ZC3H4: variants seen among roughly 807,000 people sequenced by gnomAD.
The protein encoded by ZC3H4 is zinc finger CCCH-type containing 4.
ZC3H4 carries 13 observed loss-of-function variants against 108.3 expected under a neutral mutation model. That is an observed-to-expected ratio of 0.12 (90% CI 0.08 to 0.19). ZC3H4 has a LOEUF of 0.19. Ranked by LOEUF, ZC3H4 falls within the 10% of genes least tolerant of loss-of-function variation. The pLI is 1.00. For missense variants in ZC3H4, 1,734 were observed against 1,838.8 expected, an observed-to-expected ratio of 0.94 and a Z score of 1.04; for synonymous variants, 917 against 749.6, an observed-to-expected ratio of 1.22 and a Z score of -3.65.
Position 47,093,995 on chromosome 19 carries a change from C to T in ZC3H4, c.467G>A (p.Arg156Lys), listed in dbSNP as rs780577981. ...CGGCGCATATGGGGGGCTGTACTCT[C>T]TGTACTTGCGGTGACCTTTCTCACT... ...SPSEKGHRKY[R>K]EYSPPYAPSH... Residue 156 changes from arginine to lysine, a missense_variant, in exon 4 of 15, where the codon AGA becomes AAA. Around this residue, in one of 9 missense-constraint regions of ZC3H4, gnomAD observed 403 missense variants for 457.0 expected, o/e 0.88. Transcript: ENST00000253048. 10 of 1,614,068 alleles carry T rather than the reference C, an allele frequency of 6.2e-6. No individual in the cohort carries two copies. The highest frequency in any genetic ancestry group is 4.5e-5 in the East Asian group (2 of 44,896).
At chr19:47,097,335 A>G (rs2057838903) in intron 2 of ZC3H4, among the ~76,000 whole-genome samples, 1 of 152,184 alleles carries the variant, frequency 6.6e-6, no homozygotes, top group Non-Finnish European at 1.5e-5. Flanking sequence ...TAAACTGCTG[A>G]CGGTTGATAA....
chr19:47,095,425 C>A (rs1002661092), intron 2 of ZC3H4, among the ~76,000 whole-genome samples: 1 of 152,170 alleles, frequency 6.6e-6, no homozygotes, highest in Non-Finnish European at 1.5e-5. Flanking sequence ...GGAGGGGGGA[C>A]GGATCCCAGG....
rs948472476 is a variant in ZC3H4 at position 47,100,543 on chromosome 19, C to T, written c.162-5935G>A. 2.6e-5 allele frequency among the ~76,000 whole-genome samples: 4 copies of T among 151,698 alleles called. No individual in the cohort carries two copies. The South Asian group carries it at 8.3e-4, about 32-fold the overall frequency. Reference sequence around the variant, plus strand: ...CCTACACCCTCACTTCAACATAAGACAGTCTACCCACTGCTGGCATCTAGA... The same window carrying T: ...CCTACACCCTCACTTCAACATAAGATAGTCTACCCACTGCTGGCATCTAGA... On this transcript the variant is annotated intron_variant, in intron 2 of 14. Coordinates refer to ENST00000253048, the MANE Select transcript of ZC3H4 (RefSeq NM_015168.2).
intron 2 of ZC3H4, among the ~76,000 whole-genome samples, chr19:47,111,654 G>T (rs941381304): frequency 5.9e-5 from 9 of 152,068 alleles, no homozygotes; most frequent in Non-Finnish European, 1.0e-4. Flanking sequence ...AAAAAAATAG[G>T]CTGGGGTTTT....
chr19:47,089,197 T>G (rs1600071518), intron 5 of ZC3H4, among the ~76,000 whole-genome samples: 1 of 93,088 alleles, frequency 1.1e-5, no homozygotes, highest in South Asian at 3.9e-4. Flanking sequence ...AGAGCAAGAC[T>G]CCGTCTCAAA....
intron 2 of ZC3H4, among the ~76,000 whole-genome samples, chr19:47,110,553 T>C (rs1341472908): frequency 1.3e-5 from 2 of 152,054 alleles, no homozygotes; most frequent in Non-Finnish European, 2.9e-5. Flanking sequence ...AAGCATCACT[T>C]TGGTCTAAAG....
intron 14 of ZC3H4, among the ~76,000 whole-genome samples, chr19:47,068,388 C>T (rs941749571): frequency 6.6e-6 from 1 of 152,194 alleles, no homozygotes; most frequent in Non-Finnish European, 1.5e-5. Context: ...GACACTTGAC[C>T]CCAAACCGGC....
At chr19:47,068,946 A>C in intron 14 of ZC3H4, 146 bp downstream of exon 14, 10 of 1,500,210 alleles carry the variant, frequency 6.7e-6, no homozygotes, top group Non-Finnish European at 8.0e-6. Context: ...CAGCAGCCCC[A>C]GCCCGGCTTC....
At chr19:47,097,724 A>G (rs906842743) in intron 2 of ZC3H4, among the ~76,000 whole-genome samples, 3 of 152,184 alleles carry the variant, frequency 2.0e-5, no homozygotes, top group African/African-American at 4.8e-5. Flanking sequence ...GAACATGCTT[A>G]ATAGACCTCG....
Position 47,111,010 on chromosome 19 carries a change from G to A in ZC3H4, c.161+1414C>T, listed in dbSNP as rs952783819. On this transcript the variant is annotated intron_variant, in intron 2 of 14. Coordinates refer to ENST00000253048, the MANE Select transcript of ZC3H4 (RefSeq NM_015168.2). Reference sequence around the variant, plus strand: ...TGGGAGTGGGGAGAAGGGGTCGTACGTACAGCCTGGCAAGGGAAGCCCTGG... The same window carrying A: ...TGGGAGTGGGGAGAAGGGGTCGTACATACAGCCTGGCAAGGGAAGCCCTGG... 37 of 768,866 alleles carry A rather than the reference G, an allele frequency of 4.8e-5. No individual in the cohort carries two copies. In the African/African-American group the frequency reaches 6.4e-4, roughly 13 times the overall value. The allele number at this position is 768,866 out of a possible 1,614,324, so 47.6% of individuals were successfully genotyped here.
chr19:47,092,809 T>C (rs2057757337), intron 4 of ZC3H4, among the ~76,000 whole-genome samples: 1 of 140,870 alleles, frequency 7.1e-6, no homozygotes. Flanking sequence ...AGAGCAAGAC[T>C]CCGTCTCAAT....
chr19:47,085,232 C>A, intron 7 of ZC3H4, 37 bp from the exon 8 acceptor site: 1 of 1,579,600 alleles, frequency 6.3e-7, no homozygotes, highest in South Asian at 1.1e-5. Context: ...CTGCTGACCA[C>A]CCCCTCCCCC....
chr19:47,066,795 C>T lies in ZC3H4; in HGVS notation c.3473G>A (p.Gly1158Asp), dbSNP rs1489000189. The T allele has an allele frequency of 1.9e-6, 3 of 1,599,884 alleles. No individual in the cohort carries two copies. The highest frequency in any genetic ancestry group is 2.2e-5 in the South Asian group (2 of 90,238). Residue 1158 changes from glycine (G) to aspartate (D), a missense_variant, in exon 15 of 15, where the codon GGC (glycine) becomes GAC (aspartate). This residue lies in a region of ZC3H4 where 518 missense variants were observed against 499.6 expected (regional missense o/e 1.04). Transcript: ENST00000253048. ...GTCAGCAGCCGGCTCTGTGGCTTTGCCCCCCGCGTTGGGAGTCCTCGGGTC... is the reference window on the plus strand; with the variant it reads ...GTCAGCAGCCGGCTCTGTGGCTTTGTCCCCCGCGTTGGGAGTCCTCGGGTC... ...LYDPRTPNAG[G>D]KATEPAADTG...
At chr19:47,103,762 T>TAAAAAA (rs748735701) in intron 2 of ZC3H4, among the ~76,000 whole-genome samples, 1 of 108,446 alleles carries the variant, frequency 9.2e-6, no homozygotes, top group African/African-American at 3.8e-5. Flanking sequence ...CCGTCTCTAC[T>TAAAAAA]AAAAAAAAAA....
rs192072751 is a variant in ZC3H4 at position 47,092,186 on chromosome 19, C to A, written c.492+1784G>T. ...CACCACTGCACTCCAGCCTGGGCAA[C>A]AGAGTGAGATCCCATCTCAATAAAC... On this transcript the variant is annotated intron_variant, in intron 4 of 14. Transcript: ENST00000253048. 2.6e-3 allele frequency among the ~76,000 whole-genome samples: 400 copies of A among 152,250 alleles called. 1 individual carries two copies. The highest frequency in any genetic ancestry group is 0.02 in the Middle Eastern group (6 of 294).
intron 5 of ZC3H4, among the ~76,000 whole-genome samples, chr19:47,088,862 T>G (rs1241539977): frequency 1.3e-5 from 2 of 151,932 alleles, no homozygotes; most frequent in East Asian, 3.9e-4. Flanking sequence ...TGGCCTAGGA[T>G]CTCCCCAAAG....
intron 2 of ZC3H4, among the ~76,000 whole-genome samples, chr19:47,099,536 C>A (rs2057873941): frequency 1.3e-5 from 2 of 151,936 alleles, no homozygotes; most frequent in African/African-American, 2.4e-5. Flanking sequence ...TCAACAAGTT[C>A]TTTCTACTTG....
chr19:47,108,874 AAT>A (rs2058000407), intron 2 of ZC3H4, among the ~76,000 whole-genome samples: 1 of 152,250 alleles, frequency 6.6e-6, no homozygotes, highest in South Asian at 2.1e-4. Context: ...TTAAAGAGCA[AAT>A]TTGAGGGGAA....
At chr19:47,103,232 G>A (rs1442067629) in intron 2 of ZC3H4, among the ~76,000 whole-genome samples, 2 of 152,158 alleles carry the variant, frequency 1.3e-5, no homozygotes, top group African/African-American at 2.4e-5. Flanking sequence ...TCAGAGGACC[G>A]ATTTCTATCA....
Sources: gnomAD v4.1 joint callset for allele counts (sites outside exome capture counted in the v4.1 genomes callset) on GRCh38, gnomAD v4.1.1 for gene constraint, gnomAD v4.1.1 regional missense constraint, MANE v1.5 for transcripts, NCBI Gene and HGNC (gene_info 2026-07-23, HGNC 2026-07-21) for gene names.